DPH6: variants seen among roughly 807,000 people sequenced by gnomAD.
The protein encoded by DPH6 is diphthine--ammonia ligase.
A neutral mutation model predicts 38.2 loss-of-function variants in DPH6; 33 were observed. The observed-to-expected ratio is 0.86, with a 90% CI of 0.65 to 1.15. DPH6 has a LOEUF of 1.15. Ranked by LOEUF, DPH6 falls within the 50% of genes most tolerant of loss-of-function variation. The pLI is 0.00. For synonymous variants in DPH6, 108 were observed against 103.0 expected (o/e 1.05, Z -0.30); for missense variants, 325 against 320.0 (o/e 1.02, Z -0.12).
chr15:35,411,224 ATTCT>A (rs2053362730), intron 5 of DPH6, among the ~76,000 whole-genome samples: 1 of 151,652 alleles, frequency 6.6e-6, no homozygotes, highest in Non-Finnish European at 1.5e-5. Context: ...TGAAATTTTA[ATTCT>A]TTATATTTTA....
At chr15:35,234,768 G>A (rs1324574304) in intron 3 of DPH6, among the ~76,000 whole-genome samples, 2 of 152,186 alleles carry the variant, frequency 1.3e-5, no homozygotes, top group Admixed American at 1.3e-4. Flanking sequence ...ATTTTTGTTG[G>A]GAAAATTGGA....
chr15:35,533,499 G>C (rs889070298), intron 3 of DPH6, among the ~76,000 whole-genome samples: 1 of 151,920 alleles, frequency 6.6e-6, no homozygotes, highest in Non-Finnish European at 1.5e-5. Flanking sequence ...TCCTGACTGA[G>C]GTCTTACCTC....
At chr15:35,325,770 C>T (rs1197588906) in intron 3 of DPH6, among the ~76,000 whole-genome samples, 4 of 152,016 alleles carry the variant, frequency 2.6e-5, no homozygotes, top group Non-Finnish European at 5.9e-5. Context: ...ATAAAATATA[C>T]CACTAAAACA....
chr15:35,543,511 T>G (rs1266834582), intron 1 of DPH6, among the ~76,000 whole-genome samples: 1 of 151,964 alleles, frequency 6.6e-6, no homozygotes, highest in Non-Finnish European at 1.5e-5. Context: ...ATTGCCTCTC[T>G]CCCTTTTACA....
intron 3 of DPH6, among the ~76,000 whole-genome samples, chr15:35,476,315 G>A (rs2054263305): frequency 6.6e-6 from 1 of 151,688 alleles, no homozygotes; most frequent in African/African-American, 2.4e-5. Context: ...CTGAGCTCTT[G>A]GAATGTGGTT....
In DPH6 at chr15:35,240,871, C is replaced by A. The variant is rs1259346500; in HGVS notation, n.201-20289G>T. 6.9e-5 allele frequency among the ~76,000 whole-genome samples: 9 copies of A among 130,958 alleles called. 1 individual carries two copies. The highest frequency in any genetic ancestry group is 1.0e-4 in the Non-Finnish European group (6 of 59,722). The allele number at this position is 130,958 out of a possible 152,430, so 85.9% of individuals were successfully genotyped here. A position where few individuals can be genotyped will look rare whatever the true frequency, so the allele number is the denominator to read the frequency against. On this transcript the variant is annotated intron_variant and non_coding_transcript_variant, in intron 3 of 3. Coordinates refer to the DPH6 transcript ENST00000560386. The stretch of plus-strand genomic sequence containing the variant: ...AAATTCCGGCCCTCAAACCCCACAA[C>A]AGGATTTAATTAACCTCGCCTTCAA...
At chr15:35,326,839 T>C (rs1277921659), downstream of DPH6, among the ~76,000 whole-genome samples, 3 of 152,188 alleles carry the variant, frequency 2.0e-5, no homozygotes, top group African/African-American at 7.2e-5. Flanking sequence ...TCCCCATCCC[T>C]ACCTCACTAA....
At chr15:35,268,790 G>C (rs2051802191) in intron 3 of DPH6, among the ~76,000 whole-genome samples, 1 of 151,828 alleles carries the variant, frequency 6.6e-6, no homozygotes, top group African/African-American at 2.4e-5. Context: ...CCAGGAATTG[G>C]GCTTTGTAGA....
chr15:35,263,398 C>CT (rs757916530), intron 3 of DPH6, among the ~76,000 whole-genome samples: 1,704 of 98,996 alleles, frequency 0.017, 43 homozygotes, highest in East Asian at 0.025. Context: ...CATAATTAAT[C>CT]TTTTTTTTTT....
intron 5 of DPH6, among the ~76,000 whole-genome samples, chr15:35,424,679 G>A (rs1284645618): frequency 6.6e-6 from 1 of 151,272 alleles, no homozygotes; most frequent in Non-Finnish European, 1.5e-5. Context: ...AATACTTCTG[G>A]GCAAGATGGT....
At chr15:35,185,080 G>T in the DPH6 span, among the ~76,000 whole-genome samples, 1 of 146,528 alleles carries the variant, frequency 6.8e-6, no homozygotes, top group Non-Finnish European at 1.5e-5. Flanking sequence ...CAGCTCCAAT[G>T]TGGGAAAAAA....
chr15:35,494,869 C>T (rs2054528484), intron 3 of DPH6, among the ~76,000 whole-genome samples: 1 of 152,010 alleles, frequency 6.6e-6, no homozygotes, highest in Admixed American at 6.6e-5. Flanking sequence ...AAAAAGCCTA[C>T]AGCAAGTACC....
chr15:35,175,626 G>T, the DPH6 span, among the ~76,000 whole-genome samples: 109,928 of 144,168 alleles, frequency 0.76, 41,315 homozygotes, highest in Middle Eastern at 0.82. Context: ...GGGCTGTTAT[G>T]AAGGTACCAA....
the DPH6 span, among the ~76,000 whole-genome samples, chr15:35,150,644 C>CT: frequency 6.6e-6 from 1 of 152,212 alleles, no homozygotes; most frequent in South Asian, 2.1e-4. Context: ...ATTACTCCTA[C>CT]CTCAATGTGC....
intron 3 of DPH6, among the ~76,000 whole-genome samples, chr15:35,238,909 A>C (rs2051576944): frequency 1.4e-5 from 2 of 144,334 alleles, no homozygotes; most frequent in African/African-American, 2.6e-5. Context: ...GTAATTTTCC[A>C]TTACCTTCCC....
chr15:35,359,371 G>A (rs116812276), intron 3 of DPH6, among the ~76,000 whole-genome samples: 4,876 of 152,226 alleles, frequency 0.032, 243 homozygotes, highest in African/African-American at 0.11. Context: ...CACCAGATTC[G>A]CGCCCTTCCC....
intron 5 of DPH6, among the ~76,000 whole-genome samples, chr15:35,424,394 T>C (rs1381211204): frequency 5.9e-5 from 9 of 151,716 alleles, no homozygotes; most frequent in Non-Finnish European, 1.3e-4. Flanking sequence ...CTACTGATTG[T>C]TGTATGCTGA....
intron 5 of DPH6, among the ~76,000 whole-genome samples, chr15:35,416,156 A>C (rs562303251): frequency 6.6e-6 from 1 of 152,116 alleles, no homozygotes; most frequent in East Asian, 1.9e-4. Context: ...AAAAAATCAA[A>C]AAAATCTCAT....
intron 3 of DPH6, among the ~76,000 whole-genome samples, chr15:35,466,364 A>G (rs2054126623): frequency 6.6e-6 from 1 of 152,202 alleles, no homozygotes; most frequent in African/African-American, 2.4e-5. Context: ...GAATAAAGTA[A>G]CACATTCAAG....
Sources: allele counts gnomAD v4.1 joint callset (sites outside exome capture counted in the v4.1 genomes callset), GRCh38; gene constraint gnomAD v4.1.1; transcripts MANE v1.5; gene names NCBI Gene and HGNC (gene_info 2026-07-23, HGNC 2026-07-21).